The following PRDM2 variants were observed in gnomAD, a reference collection of about 807,000 sequenced individuals.
PRDM2 encodes the protein PR domain zinc finger protein 2.
Under a neutral mutation model 130.0 loss-of-function variants are expected in PRDM2, and 30 were observed. The ratio of observed to expected loss-of-function variants is 0.23; its 90% CI spans 0.17 to 0.31. The LOEUF (loss-of-function observed/expected upper bound fraction) is 0.31, where lower values mean the gene tolerates loss of function less well. Among genes scored for constraint, PRDM2 ranks in the 10% least tolerant of loss-of-function variants. The pLI, the probability that PRDM2 is intolerant of heterozygous loss-of-function variation, is 1.00. For synonymous variants in PRDM2, 871 were observed against 782.4 expected, an observed-to-expected ratio of 1.11 and a Z score of -1.89; for missense variants, 2,011 against 2,108.4, an observed-to-expected ratio of 0.95 and a Z score of 0.90.
At chr1:13,777,896 C>T (rs538610576) in intron 7 of PRDM2, among the ~76,000 whole-genome samples, 23 of 152,064 alleles carry the variant, frequency 1.5e-4, no homozygotes, top group African/African-American at 5.5e-4. Context: ...GGAAAATGTT[C>T]TAGCTTCTGA....
At chr1:13,821,883 A>T (rs1416917193) in intron 9 of PRDM2, among the ~76,000 whole-genome samples, 1 of 152,208 alleles carries the variant, frequency 6.6e-6, no homozygotes, top group Non-Finnish European at 1.5e-5. Context: ...CTGGAAGAGC[A>T]CACAGATGCT....
In PRDM2 at chr1:13,731,047, C is replaced by T. The variant is rs141454992; in HGVS notation, c.57C>T (p.Pro19=). The T allele has an allele frequency of 7.4e-6, 12 of 1,612,710 alleles. No individual in the cohort carries two copies. The highest frequency in any genetic ancestry group is 1.0e-5 in the Non-Finnish European group (12 of 1,179,684). The change falls in exon 3 of 10, where the codon CCC becomes CCT. Residue 19 remains proline, a synonymous_variant. Transcript: ENST00000311066. ...CCACCGAGACCCTGGCTGAGGTACC[C>T]GAACATGTGCTGCGAGGACTTCCGG... is the stretch of plus-strand genomic sequence containing the variant. The part of the protein sequence containing the change: ...VAATETLAEV[P]EHVLRGLPEE...
At chr1:13,703,618 C>T (rs1446723038) in intron 1 of PRDM2, among the ~76,000 whole-genome samples, 1 of 152,144 alleles carries the variant, frequency 6.6e-6, no homozygotes, top group Non-Finnish European at 1.5e-5. Flanking sequence ...TGTGAGGTAT[C>T]CTGGAGATCA....
At chr1:13,759,324 G>A (rs1644041264) in intron 6 of PRDM2, among the ~76,000 whole-genome samples, 1 of 152,178 alleles carries the variant, frequency 6.6e-6, no homozygotes, top group Non-Finnish European at 1.5e-5. Context: ...AGAACCCCAA[G>A]ACGGAATTAT....
At chr1:13,747,517 T>C (rs568926797) in intron 5 of PRDM2, among the ~76,000 whole-genome samples, 2 of 152,028 alleles carry the variant, frequency 1.3e-5, no homozygotes, top group East Asian at 3.9e-4. Context: ...AGGGAAATCA[T>C]GTATTGGTTC....
At chr1:13,720,458 G>A (rs1642687410) in intron 2 of PRDM2, among the ~76,000 whole-genome samples, 1 of 152,096 alleles carries the variant, frequency 6.6e-6, no homozygotes, top group Non-Finnish European at 1.5e-5. Flanking sequence ...GCTCAGCTCT[G>A]GGGTCGCCAG....
At chr1:13,707,285 G>C (rs1450899359) in intron 1 of PRDM2, among the ~76,000 whole-genome samples, 1 of 152,110 alleles carries the variant, frequency 6.6e-6, no homozygotes, top group Non-Finnish European at 1.5e-5. Flanking sequence ...GTGTTCTTCC[G>C]CTTTTCAGGA....
chr1:13,774,596 A>G (rs1332896255), intron 7 of PRDM2, among the ~76,000 whole-genome samples: 1 of 152,212 alleles, frequency 6.6e-6, no homozygotes, highest in African/African-American at 2.4e-5. Context: ...CGGTAGAATT[A>G]GAAAACAGAT....
chr1:13,822,489 A>G (rs968719572), intron 9 of PRDM2, among the ~76,000 whole-genome samples: 13 of 148,662 alleles, frequency 8.7e-5, no homozygotes, highest in African/African-American at 2.7e-4. Context: ...TCCGCCTCCC[A>G]GGTTCACGCC....
rs1239628978 is a variant in PRDM2, at chr1:13,748,441, C to CA, written c.385-920_385-919insA. 9.9e-5 allele frequency among the ~76,000 whole-genome samples: 15 copies of CA among 152,270 alleles called. No homozygotes were observed. The East Asian group carries it at 2.3e-3, about 23-fold the overall frequency. Reference sequence around the variant, plus strand: ...TATTTACTTGTTCATTCCTTCCTTTCTTCATTCATTCACATGAGGCTGGAC... The same window carrying CA: ...TATTTACTTGTTCATTCCTTCCTTTCATTCATTCATTCACATGAGGCTGGAC... On this transcript the variant is annotated intron_variant, in intron 5 of 9. Coordinates refer to ENST00000311066, the MANE Select transcript of PRDM2 (RefSeq NM_001393986.1).
intron 6 of PRDM2, among the ~76,000 whole-genome samples, chr1:13,755,197 G>A (rs932001744): frequency 3.3e-5 from 5 of 152,094 alleles, no homozygotes; most frequent in African/African-American, 9.7e-5. Flanking sequence ...CAGTATTTTC[G>A]TTTTGTGCCT....
intron 6 of PRDM2, among the ~76,000 whole-genome samples, chr1:13,770,041 G>A (rs1196979963): frequency 2.6e-5 from 4 of 152,160 alleles, no homozygotes; most frequent in South Asian, 2.1e-4. Flanking sequence ...CCCAGATGTC[G>A]TTCATGCTGC....
At position 13,714,338 on chromosome 1, in the gene PRDM2, C is replaced by CTT. The variant is rs550641481; in HGVS notation, c.-65-1189_-65-1188dup. ...CATGGTTTAACTTGCAATTCTCTGG[C>CTT]TTTTTTTTTTTTTTTCCTGAGTACT... On this transcript the variant is annotated intron_variant, in intron 1 of 9. Coordinates refer to ENST00000311066, the MANE Select transcript of PRDM2 (RefSeq NM_001393986.1). 7.7e-3 allele frequency among the ~76,000 whole-genome samples: 1,069 copies of CTT among 138,156 alleles called. 18 individuals are homozygous for CTT. Among genetic ancestry groups the CTT allele is most frequent in the African/African-American group, 0.027 (1,014 of 37,800 alleles). The allele number at this position is 138,156 out of a possible 152,430, so 90.6% of individuals were successfully genotyped here.
intron 6 of PRDM2, among the ~76,000 whole-genome samples, chr1:13,763,984 G>T (rs1644164829): frequency 6.6e-6 from 1 of 151,956 alleles, no homozygotes; most frequent in African/African-American, 2.4e-5. Context: ...AATTTTGAGT[G>T]TTTTCATTGT....
At chr1:13,808,860 C>T (rs1198965955) in intron 8 of PRDM2, among the ~76,000 whole-genome samples, 1 of 152,162 alleles carries the variant, frequency 6.6e-6, no homozygotes, top group East Asian at 1.9e-4. Flanking sequence ...GTGTGGGGGC[C>T]GGTGTGGGAA....
At chr1:13,733,898 AT>A (rs1175674908) in intron 4 of PRDM2, among the ~76,000 whole-genome samples, 1 of 152,230 alleles carries the variant, frequency 6.6e-6, no homozygotes, top group Non-Finnish European at 1.5e-5. Flanking sequence ...TTTTTCACAC[AT>A]TAACATAGAA....
intron 8 of PRDM2, among the ~76,000 whole-genome samples, chr1:13,804,653 T>C (rs1645060616): frequency 6.6e-6 from 1 of 152,170 alleles, no homozygotes; most frequent in Non-Finnish European, 1.5e-5. Context: ...TCTAGACCAG[T>C]GGCCTGCAAA....
chr1:13,806,982 C>A lies in PRDM2; in HGVS notation c.5037-9445C>A, dbSNP rs1406955906. On this transcript the variant is annotated intron_variant, in intron 8 of 9. Transcript: ENST00000311066. This position sits in a 1 kb window ranked among gnomAD's most constrained non-coding sequence, Gnocchi z 4.1. The stretch of plus-strand genomic sequence containing the variant: ...GGTCGTAGCCCACACACTGCCGTTT[C>A]CCATGTCACCTTTCCCTGTCTTCTC... 6.6e-6 allele frequency among the ~76,000 whole-genome samples: 1 copy of A among 152,188 alleles called. No individual in the cohort carries two copies. Among genetic ancestry groups the A allele is most frequent in the African/African-American group, 2.4e-5 (1 of 41,422 alleles).
At chr1:13,817,353 TG>T (rs1645273682) in intron 9 of PRDM2, among the ~76,000 whole-genome samples, 1 of 152,246 alleles carries the variant, frequency 6.6e-6, no homozygotes, top group African/African-American at 2.4e-5. Flanking sequence ...AGATTTATTT[TG>T]GACTAAAACA....
Sources: allele counts gnomAD v4.1 joint callset (sites outside exome capture counted in the v4.1 genomes callset), GRCh38; gene constraint gnomAD v4.1.1; non-coding constraint Gnocchi (gnomAD v3.1); transcripts MANE v1.5; gene names NCBI Gene and HGNC (gene_info 2026-07-23, HGNC 2026-07-21).